Variants in ATR observed in about 807,000 individuals in gnomAD.
The protein encoded by ATR is ATR checkpoint kinase.
A neutral mutation model predicts 305.3 loss-of-function variants in ATR; 142 were observed. The ratio of observed to expected loss-of-function variants is 0.47; its 90% CI spans 0.41 to 0.53. The LOEUF (loss-of-function observed/expected upper bound fraction) is 0.53, where lower values mean the gene tolerates loss of function less well. Among genes scored for constraint, ATR ranks in the 20% least tolerant of loss-of-function variants. The pLI is 0.00. For missense variants in ATR, 2,135 were observed against 3,133.1 expected, an observed-to-expected ratio of 0.68 and a Z score of 7.60; for synonymous variants, 1,050 against 1,068.1, an observed-to-expected ratio of 0.98 and a Z score of 0.33.
chr3:142,516,185 C>T (rs1187677672), intron 24 of ATR, among the ~76,000 whole-genome samples: 1 of 152,156 alleles, frequency 6.6e-6, no homozygotes, highest in Non-Finnish European at 1.5e-5. Context: ...ATCTATGACA[C>T]CCCTGTCTCT....
intron 21 of ATR, among the ~76,000 whole-genome samples, chr3:142,532,878 A>G (rs1410980502): frequency 1.3e-5 from 2 of 152,200 alleles, no homozygotes; most frequent in Non-Finnish European, 2.9e-5. Context: ...TACTGACTAC[A>G]AAGACTCTGG....
chr3:142,577,414 C>T (rs1560012665), intron 1 of ATR, among the ~76,000 whole-genome samples: 1 of 152,166 alleles, frequency 6.6e-6, no homozygotes, highest in Non-Finnish European at 1.5e-5. Context: ...AAACCAACTT[C>T]CTACAATGAT....
At chr3:142,536,315 G>A (rs2033859863) in intron 19 of ATR, 114 bp from the exon 20 acceptor site, 3 of 749,746 alleles carry the variant, frequency 4.0e-6, no homozygotes, top group Middle Eastern at 7.8e-4. Flanking sequence ...AGTGCTAGTT[G>A]ATTACTGAGC....
At chr3:142,459,823 A>G (rs953387829) in intron 42 of ATR, among the ~76,000 whole-genome samples, 1 of 152,146 alleles carries the variant, frequency 6.6e-6, no homozygotes, top group African/African-American at 2.4e-5. Context: ...TACTTACCCA[A>G]GTGAAGCCTC....
At chr3:142,483,264 T>C (rs550905107) in intron 36 of ATR, among the ~76,000 whole-genome samples, 1 of 152,150 alleles carries the variant, frequency 6.6e-6, no homozygotes, top group Non-Finnish European at 1.5e-5. Flanking sequence ...TCTGAAGATA[T>C]CCTTCCATGT....
intron 27 of ATR, among the ~76,000 whole-genome samples, chr3:142,510,594 A>G (rs1339824628): frequency 6.6e-6 from 1 of 152,246 alleles, no homozygotes; most frequent in African/African-American, 2.4e-5. Context: ...GAAAAATAAT[A>G]AACTATTTTG....
chr3:142,553,630 C>A lies in ATR; in HGVS notation c.2633+10G>T. On this transcript the variant is annotated intron_variant, in intron 12 of 46. Coordinates refer to ENST00000350721, the MANE Select transcript of ATR (RefSeq NM_001184.4). ...TAAATAAGGAAGAACACAAATGCTG[C>A]CAAGTATACCTTCCAATATCCCCTG... The A allele has an allele frequency of 6.3e-7, 1 of 1,588,488 alleles. No homozygotes were observed. The highest frequency in any genetic ancestry group is 1.7e-4 in the Middle Eastern group (1 of 5,992).
At chr3:142,518,796 T>A (rs1010919633) in intron 24 of ATR, among the ~76,000 whole-genome samples, 11 of 152,196 alleles carry the variant, frequency 7.2e-5, no homozygotes, top group Non-Finnish European at 1.3e-4. Flanking sequence ...AAGTAGTTTC[T>A]AAATAGAAAT....
chr3:142,509,545 ATTTTTTTTT>A (rs71629538), intron 27 of ATR, among the ~76,000 whole-genome samples: 18 of 73,818 alleles, frequency 2.4e-4, no homozygotes, highest in African/African-American at 8.2e-4. Context: ...TCAAATTCTG[ATTTTTTTTT>A]TTTTTTTTTT....
At chr3:142,536,755 G>A (rs1366523482) in intron 19 of ATR, among the ~76,000 whole-genome samples, 1 of 152,158 alleles carries the variant, frequency 6.6e-6, no homozygotes, top group East Asian at 1.9e-4. Context: ...CTGACCAGCT[G>A]AGCACAGTCC....
chr3:142,521,194 G>A (rs1036959047), intron 23 of ATR, among the ~76,000 whole-genome samples: 11 of 152,166 alleles, frequency 7.2e-5, no homozygotes, highest in Non-Finnish European at 1.5e-4. Context: ...CAGCAACAAA[G>A]CCTGAATGAC....
chr3:142,538,913 A>C (rs1292018035), intron 18 of ATR, among the ~76,000 whole-genome samples: 1 of 152,180 alleles, frequency 6.6e-6, no homozygotes, highest in African/African-American at 2.4e-5. Flanking sequence ...ATATACAAAA[A>C]TTAATAAAAA....
rs145119827 is a variant in ATR, at chr3:142,466,325, A to G, written c.6896T>C (p.Met2299Thr). The change falls in exon 40 of 47, where the codon ATG (methionine) becomes ACG (threonine). Residue 2299 changes from methionine to threonine, a missense_variant and splice_region_variant. Physicochemically the swap from Met to Thr is moderately conservative, Grantham distance 81. This residue lies in a region of ATR where 462 missense variants were observed against 887.6 expected (regional missense o/e 0.52). Transcript: ENST00000350721. ...HWAYIAGFDD[M>T]VEILASLQKP... The stretch of plus-strand genomic sequence containing the variant: ...TAGTCATATAAAACTGAAGTTTACC[A>G]TATCATCAAACCCTGCAATATAGGC... 51 of 1,612,560 alleles carry G rather than the reference A, an allele frequency of 3.2e-5. No individual in the cohort carries two copies. Among genetic ancestry groups the G allele is most frequent in the African/African-American group, 2.4e-4 (18 of 74,878 alleles).
chr3:142,569,258 G>C lies in ATR; in HGVS notation c.60-1104C>G, dbSNP rs35791411. ...GTACACTCCCACCTGCAGTGGACAA[G>C]GGTTCCAATTTCTCCACATCTTCAC... On this transcript the variant is annotated intron_variant, in intron 1 of 46. Transcript: ENST00000350721. Among the ~76,000 whole-genome samples, 1,128 of 152,286 alleles carry C rather than the reference G, an allele frequency of 7.4e-3. 2 individuals are homozygous for C. The highest frequency in any genetic ancestry group is 0.011 in the Non-Finnish European group (756 of 68,022).
chr3:142,490,736 T>C (rs2031228416), intron 35 of ATR, among the ~76,000 whole-genome samples: 2 of 152,170 alleles, frequency 1.3e-5, no homozygotes, highest in Admixed American at 1.3e-4. Flanking sequence ...GATATCCAAC[T>C]GTTCAAGTAC....
At chr3:142,543,052 T>G (rs149375437) in intron 16 of ATR, among the ~76,000 whole-genome samples, 24 of 152,156 alleles carry the variant, frequency 1.6e-4, no homozygotes, top group African/African-American at 5.8e-4. Flanking sequence ...TGGGGTGGGA[T>G]CCTCAGGATC....
chr3:142,456,015 T>C (rs1182729536), intron 45 of ATR, among the ~76,000 whole-genome samples: 2 of 152,308 alleles, frequency 1.3e-5, no homozygotes, highest in East Asian at 1.9e-4. Flanking sequence ...CCAAAATGTG[T>C]AAAGAACTCT....
intron 16 of ATR, among the ~76,000 whole-genome samples, chr3:142,544,863 T>C (rs2034208179): frequency 6.6e-6 from 1 of 152,138 alleles, no homozygotes; most frequent in Admixed American, 6.6e-5. Flanking sequence ...GCACAGGAAA[T>C]CATCTGGTTT....
In ATR at chr3:142,554,022, G is replaced by T. The variant is rs754576598; in HGVS notation, c.2342-7C>A. The T allele has an allele frequency of 6.9e-6, 11 of 1,596,114 alleles. No homozygotes were observed. Among genetic ancestry groups the T allele is most frequent in the African/African-American group, 4.0e-5 (3 of 74,424 alleles). ...TGTAGATTATCTATGAAAGCTGAAG[G>T]ACAAGAGTATACAATACCTAATTTA... On this transcript the variant is annotated splice_polypyrimidine_tract_variant and splice_region_variant and intron_variant, in intron 10 of 46. Coordinates refer to ENST00000350721, the MANE Select transcript of ATR (RefSeq NM_001184.4).
Sources: gnomAD v4.1 joint callset for allele counts (sites outside exome capture counted in the v4.1 genomes callset) on GRCh38, gnomAD v4.1.1 for gene constraint, gnomAD v4.1.1 regional missense constraint, MANE v1.5 for transcripts, NCBI Gene and HGNC (gene_info 2026-07-23, HGNC 2026-07-21) for gene names.